Variants in YIPF7 observed in about 807,000 individuals in gnomAD.
YIPF7 encodes protein YIPF7.
In YIPF7, 35 loss-of-function variants were observed where a neutral mutation model predicts 27.2. The observed-to-expected ratio is 1.29, with a 90% confidence interval of 0.98 to 1.70. The LOEUF is 1.70. YIPF7 is among the 40% of genes most tolerant of loss of function. The probability of loss-of-function intolerance (pLI) is 0.00; values close to 1 mark genes in which losing one functional copy is unlikely to be tolerated. For synonymous variants in YIPF7, 137 were observed against 110.4 expected (o/e 1.24, Z -1.51); for missense variants, 358 against 303.7 (o/e 1.18, Z -1.33).
chr4:44,649,253 C>G (rs959429079), intron 2 of YIPF7, among the ~76,000 whole-genome samples: 12 of 152,052 alleles, frequency 7.9e-5, no homozygotes, highest in African/African-American at 2.7e-4. Flanking sequence ...TGCCTGTATC[C>G]CAGCTCTCTG....
At chr4:44,626,281 T>C (rs931361163) in intron 4 of YIPF7, among the ~76,000 whole-genome samples, 1 of 152,206 alleles carries the variant, frequency 6.6e-6, no homozygotes, top group Non-Finnish European at 1.5e-5. Flanking sequence ...CAGAAATACA[T>C]CAGCTATCCA....
chr4:44,653,098 C>A (rs181995778), upstream of YIPF7, among the ~76,000 whole-genome samples: 1 of 151,936 alleles, frequency 6.6e-6, no homozygotes, highest in African/African-American at 2.4e-5. Flanking sequence ...TTACAGACTA[C>A]GTGAAGAACA....
In YIPF7 at chr4:44,634,151, C is replaced by T. The variant is rs143555465; in HGVS notation, c.280+1771G>A. Among the ~76,000 whole-genome samples, 191 of 152,252 alleles carry T rather than the reference C, an allele frequency of 1.3e-3. 1 individual carries two copies. The highest frequency in any genetic ancestry group is 4.2e-3 in the African/African-American group (175 of 41,552). On this transcript the variant is annotated intron_variant, in intron 3 of 5. Coordinates refer to ENST00000415895, the MANE Select transcript of YIPF7 (RefSeq NM_182592.3). The stretch of plus-strand genomic sequence containing the variant: ...TAACCTTTAAGGCGTGTTTAAATTA[C>T]GGTTATGTTATATGATAGAACTCTG...
Position 44,622,407 on chromosome 4 carries a change from A to T in YIPF7, c.*7T>A, listed in dbSNP as rs1712472888. On this transcript the variant is annotated 3_prime_UTR_variant, in exon 6 of 6. Transcript: ENST00000415895. ...ACAGAGTCTTGAAATGCCATCTCAA[A>T]CATTCTTTAGAAAATTGTTAGGAGG... 6.2e-7 allele frequency: 1 copy of T among 1,609,016 alleles called. No homozygotes were observed. Among genetic ancestry groups the T allele is most frequent in the African/African-American group, 1.3e-5 (1 of 74,764 alleles).
intron 4 of YIPF7, among the ~76,000 whole-genome samples, chr4:44,628,961 G>A (rs1170363635): frequency 2.0e-5 from 3 of 152,076 alleles, no homozygotes; most frequent in East Asian, 1.9e-4. Context: ...GATCTGTCTC[G>A]TACCTCATAA....
At chr4:44,639,930 C>T (rs1198362340) in intron 2 of YIPF7, among the ~76,000 whole-genome samples, 2 of 152,140 alleles carry the variant, frequency 1.3e-5, no homozygotes, top group Non-Finnish European at 2.9e-5. Flanking sequence ...AAATGCTTTT[C>T]TGCATCCATT....
chr4:44,645,005 T>C (rs1713475920), intron 2 of YIPF7, among the ~76,000 whole-genome samples: 2 of 152,196 alleles, frequency 1.3e-5, no homozygotes, highest in South Asian at 4.1e-4. Context: ...TGCTTTGCCT[T>C]CTGCCAAGAG....
intron 2 of YIPF7, among the ~76,000 whole-genome samples, chr4:44,647,535 C>T (rs1468595774): frequency 6.6e-6 from 1 of 152,088 alleles, no homozygotes; most frequent in Non-Finnish European, 1.5e-5. Context: ...GAGTGACCAC[C>T]TTTGTATACC....
intron 2 of YIPF7, among the ~76,000 whole-genome samples, chr4:44,641,079 G>A (rs34130694): frequency 0.091 from 13,811 of 151,992 alleles, 696 homozygotes; most frequent in Admixed American, 0.14. Context: ...CCTGAATTAT[G>A]CAATTCCCCA....
chr4:44,639,126 T>A (rs572796330), intron 2 of YIPF7, among the ~76,000 whole-genome samples: 1 of 152,210 alleles, frequency 6.6e-6, no homozygotes, highest in African/African-American at 2.4e-5. Flanking sequence ...GGTAATGAGA[T>A]GCCTCCAGGT....
chr4:44,626,763 C>CTT lies in YIPF7; in HGVS notation c.427-1983_427-1982dup, dbSNP rs71190269. Among the ~76,000 whole-genome samples the CTT allele has an allele frequency of 4.0e-3, 280 of 69,748 alleles. 52 individuals carry two copies. Among genetic ancestry groups the CTT allele is most frequent in the African/African-American group, 0.016 (267 of 16,670 alleles). 45.8% of individuals were successfully genotyped at this position (69,748 alleles called of 152,430 possible). On this transcript the variant is annotated intron_variant, in intron 4 of 5. Coordinates refer to ENST00000415895, the MANE Select transcript of YIPF7 (RefSeq NM_182592.3). ...CCCTATTCCATCCTCATTAGCACAT[C>CTT]TTTTTTTTTTTTTTTTTTTTTTTTT...
rs1474881255 is a variant in YIPF7, at chr4:44,629,588, A to C, written c.281-40T>G. 3.6e-6 allele frequency: 5 copies of C among 1,394,972 alleles called. No individual in the cohort carries two copies. In the East Asian group the frequency reaches 1.0e-4, roughly 28 times the overall value. 86.4% of individuals were successfully genotyped at this position (1,394,972 alleles called of 1,614,324 possible). A position where few individuals can be genotyped will look rare whatever the true frequency, so the allele number is the denominator to read the frequency against. On this transcript the variant is annotated intron_variant, in intron 3 of 5. Transcript: ENST00000415895. Reference sequence around the variant, plus strand: ...AAAGATAAATAATATGATAACATAAATATAGAAAAATAAAAATAAGTTACA... The same window carrying C: ...AAAGATAAATAATATGATAACATAACTATAGAAAAATAAAAATAAGTTACA...
intron 2 of YIPF7, among the ~76,000 whole-genome samples, chr4:44,637,125 C>T (rs1158752247): frequency 6.6e-6 from 1 of 152,086 alleles, no homozygotes; most frequent in African/African-American, 2.4e-5. Flanking sequence ...ATATATACCA[C>T]ATTTTCTTTA....
chr4:44,653,616 T>C (rs930231769), upstream of YIPF7, among the ~76,000 whole-genome samples: 1 of 152,094 alleles, frequency 6.6e-6, no homozygotes, highest in Non-Finnish European at 1.5e-5. Context: ...TTGGGAAAGA[T>C]TTAATAGGAT....
chr4:44,644,007 C>A (rs2109594304), intron 2 of YIPF7, among the ~76,000 whole-genome samples: 1 of 152,258 alleles, frequency 6.6e-6, no homozygotes, highest in East Asian at 1.9e-4. Context: ...CAGAGTCCCT[C>A]ACAGTGCAGC....
At chr4:44,648,593 GAAAA>G (rs1472427764) in intron 2 of YIPF7, among the ~76,000 whole-genome samples, 2 of 151,932 alleles carry the variant, frequency 1.3e-5, no homozygotes, top group Non-Finnish European at 2.9e-5. Context: ...CTAGACCCAA[GAAAA>G]AAATTCCAAG....
chr4:44,627,251 A>T (rs1419310841), intron 4 of YIPF7, among the ~76,000 whole-genome samples: 1 of 152,190 alleles, frequency 6.6e-6, no homozygotes, highest in Non-Finnish European at 1.5e-5. Context: ...TTTGGGGAAA[A>T]GAATAAGTAA....
chr4:44,637,126 A>C (rs1713153740), intron 2 of YIPF7, among the ~76,000 whole-genome samples: 1 of 151,954 alleles, frequency 6.6e-6, no homozygotes, highest in Admixed American at 6.6e-5. Flanking sequence ...TATATACCAC[A>C]TTTTCTTTAT....
upstream of YIPF7, among the ~76,000 whole-genome samples, chr4:44,655,133 C>T (rs1325223388): frequency 1.3e-5 from 2 of 151,916 alleles, no homozygotes; most frequent in Non-Finnish European, 2.9e-5. Context: ...TGCCATATAC[C>T]TGACAGTTAT....
Sources: gnomAD v4.1 joint callset for allele counts (sites outside exome capture counted in the v4.1 genomes callset) on GRCh38, gnomAD v4.1.1 for gene constraint, MANE v1.5 for transcripts, NCBI Gene and HGNC (gene_info 2026-07-23, HGNC 2026-07-21) for gene names.